The following SOD2 variants were observed in gnomAD, a reference collection of about 807,000 sequenced individuals.
The protein encoded by SOD2 is superoxide dismutase [Mn], mitochondrial.
In SOD2, 11 loss-of-function variants were observed where a neutral mutation model predicts 27.0. That is an observed-to-expected ratio of 0.41 (90% CI 0.26 to 0.67). The LOEUF (loss-of-function observed/expected upper bound fraction) is 0.67, where lower values mean the gene tolerates loss of function less well. SOD2 is among the 30% of genes least tolerant of loss of function. The pLI, the probability that SOD2 is intolerant of heterozygous loss-of-function variation, is 0.34. For missense variants in SOD2, 250 were observed against 274.5 expected (o/e 0.91, Z 0.63); for synonymous variants, 105 against 103.0 (o/e 1.02, Z -0.12).
intron 2 of SOD2, chr6:159,692,415 G>A: frequency 1.4e-6 from 2 of 1,402,104 alleles, no homozygotes; most frequent in Non-Finnish European, 1.9e-6. Flanking sequence ...CAACAGTAAG[G>A]CAAGCTCCTT....
chr6:159,740,735 C>T (rs1262788935), intron 1 of SOD2, among the ~76,000 whole-genome samples: 5 of 145,060 alleles, frequency 3.4e-5, no homozygotes, highest in African/African-American at 7.7e-5. Flanking sequence ...GACAGAGTCT[C>T]GCTCTGTCAC....
chr6:159,706,061 A>G (rs1018142119), intron 1 of SOD2, among the ~76,000 whole-genome samples: 1 of 151,778 alleles, frequency 6.6e-6, no homozygotes, highest in African/African-American at 2.4e-5. Flanking sequence ...ACAAACAAGC[A>G]AATGCTGAGA....
intron 1 of SOD2, among the ~76,000 whole-genome samples, chr6:159,743,244 A>G (rs1779369393): frequency 6.6e-6 from 1 of 152,052 alleles, no homozygotes; most frequent in Non-Finnish European, 1.5e-5. Flanking sequence ...ACGGTGTTTC[A>G]CCGTGTTGGT....
chr6:159,761,856 G>A (rs1412786564), exon 1 of SOD2: 3 of 246,792 alleles, frequency 1.2e-5, no homozygotes, highest in Admixed American at 1.2e-4. Context: ...CCCGCGCCCC[G>A]GCCTCACTTC....
At chr6:159,736,245 C>CA in intron 1 of SOD2, 1 of 1,314,508 alleles carries the variant, frequency 7.6e-7, no homozygotes, top group Non-Finnish European at 1.0e-6. Flanking sequence ...TTTTCCGCAA[C>CA]TTTTTTTTTT....
chr6:159,727,010 G>C, intron 1 of SOD2: 2 of 1,248,982 alleles, frequency 1.6e-6, no homozygotes, highest in South Asian at 1.3e-5. Flanking sequence ...CCCTCCGCAC[G>C]AGGCAGCCCC....
chr6:159,728,812 A>G (rs1267601182), upstream of SOD2, among the ~76,000 whole-genome samples: 1 of 152,232 alleles, frequency 6.6e-6, no homozygotes, highest in East Asian at 1.9e-4. Flanking sequence ...TGTTTCTTAC[A>G]GTGCTTTTAT....
At position 159,672,877 on chromosome 6, in the gene SOD2, G is replaced by A. The variant is rs1411915956; in HGVS notation, c.*9616C>T. On this transcript the variant is annotated 3_prime_UTR_variant, in exon 5 of 5. Coordinates refer to ENST00000538183, the MANE Select transcript of SOD2 (RefSeq NM_000636.4). ...CACGTACAGAGACACACACACATAG[G>A]CTCAAAATAAAAGGATGGAGGAAGA... 6.6e-6 allele frequency: 1 copy of A among 151,700 alleles called. No homozygotes were observed. The highest frequency in any genetic ancestry group is 2.4e-5 in the African/African-American group (1 of 41,226). 9.4% of individuals were successfully genotyped at this position (151,700 alleles called of 1,614,324 possible).
At chr6:159,711,014 C>T (rs1422618855) in intron 1 of SOD2, among the ~76,000 whole-genome samples, 2 of 87,666 alleles carry the variant, frequency 2.3e-5, no homozygotes, top group Non-Finnish European at 5.0e-5. Context: ...CCTCCATAAC[C>T]ACCTCCATAA....
At chr6:159,727,933 G>A (rs192710772), upstream of SOD2, among the ~76,000 whole-genome samples, 9 of 152,358 alleles carry the variant, frequency 5.9e-5, no homozygotes, top group East Asian at 1.2e-3. Context: ...CGGGTTGAGA[G>A]GGGTGCTCTG....
intron 1 of SOD2, among the ~76,000 whole-genome samples, chr6:159,757,443 C>T (rs1360059660): frequency 2.1e-5 from 3 of 145,834 alleles, no homozygotes; most frequent in East Asian, 2.0e-4. Context: ...CCGAGAGTCT[C>T]GCTCTGCCAC....
chr6:159,685,219 C>CTTTTTTTT (rs750824041), intron 3 of SOD2, among the ~76,000 whole-genome samples, 186 bp from the exon 4 acceptor site: 124 of 73,920 alleles, frequency 1.7e-3, no homozygotes, highest in African/African-American at 3.6e-3. Flanking sequence ...ATAACTTCAA[C>CTTTTTTTT]TTTTTTTTTT....
chr6:159,738,860 C>A, intron 1 of SOD2: 14 of 524,474 alleles, frequency 2.7e-5, no homozygotes, highest in South Asian at 9.1e-5. Context: ...TAATAAAATA[C>A]TTTTTCAAAA....
chr6:159,731,230 A>G (rs1316083503), upstream of SOD2, among the ~76,000 whole-genome samples: 2 of 151,992 alleles, frequency 1.3e-5, no homozygotes, highest in Non-Finnish European at 2.9e-5. Flanking sequence ...TGGAGGCCCA[A>G]GCAGGAGGAT....
chr6:159,692,358 C>A, intron 2 of SOD2: 1 of 1,225,152 alleles, frequency 8.2e-7, no homozygotes, highest in African/African-American at 1.6e-5. Flanking sequence ...CTTTTCAGGC[C>A]CTACAATTCA....
intron 2 of SOD2, among the ~76,000 whole-genome samples, chr6:159,689,268 T>G (rs1038369462): frequency 6.6e-6 from 1 of 152,222 alleles, no homozygotes; most frequent in African/African-American, 2.4e-5. Flanking sequence ...GCTGCGTTCC[T>G]GTTCCTCCTT....
At chr6:159,751,959 G>GA in intron 1 of SOD2, among the ~76,000 whole-genome samples, 1 of 151,966 alleles carries the variant, frequency 6.6e-6, no homozygotes, top group East Asian at 1.9e-4. Flanking sequence ...GTACTCCGGA[G>GA]GCTGAGGTGG....
In SOD2 at chr6:159,753,727, T is replaced by TG. The variant is rs1177340221; in HGVS notation, c.-335-5052dup. The stretch of plus-strand genomic sequence containing the variant: ...CTGTACATTGTTAACCTCTGCCCTA[T>TG]GATTGTATATTATTGTGAGTGAAGC... On this transcript the variant is annotated intron_variant, in intron 1 of 7. Coordinates refer to the SOD2 transcript ENST00000546087. The TG allele has an allele frequency of 4.7e-5, 62 of 1,323,204 alleles. 1 individual carries two copies. The highest frequency in any genetic ancestry group is 6.1e-6 in the Non-Finnish European group (6 of 984,556). The allele number at this position is 1,323,204 out of a possible 1,614,324, so 82.0% of individuals were successfully genotyped here.
At chr6:159,713,525 G>A in intron 1 of SOD2, 2 of 697,384 alleles carry the variant, frequency 2.9e-6, no homozygotes, top group South Asian at 1.7e-5. Flanking sequence ...GAAGCCAACT[G>A]CACAAAGGCT....
Sources: allele counts gnomAD v4.1 joint callset (sites outside exome capture counted in the v4.1 genomes callset), GRCh38; gene constraint gnomAD v4.1.1; transcripts MANE v1.5; gene names NCBI Gene and HGNC (gene_info 2026-07-23, HGNC 2026-07-21).